B3GALT1: variants seen among roughly 807,000 people sequenced by gnomAD.
B3GALT1 encodes UDP-Gal:betaGlcNAc beta 1,3-galactosyltransferase, polypeptide 1.
A neutral mutation model predicts 23.2 loss-of-function variants in B3GALT1; 10 were observed. That is an observed-to-expected ratio of 0.43 (90% CI 0.27 to 0.73). The LOEUF (loss-of-function observed/expected upper bound fraction) is 0.73, where lower values mean the gene tolerates loss of function less well. B3GALT1 is among the 30% of genes least tolerant of loss of function. The pLI is 0.21. For missense variants in B3GALT1, 299 were observed against 405.4 expected (o/e 0.74, Z 2.25); for synonymous variants, 156 against 141.5 (o/e 1.10, Z -0.73).
At chr2:167,530,603 TA>T (rs1683310223) in intron 2 of B3GALT1, among the ~76,000 whole-genome samples, 1 of 152,182 alleles carries the variant, frequency 6.6e-6, no homozygotes, top group African/African-American at 2.4e-5. Flanking sequence ...AAACAGCTAT[TA>T]AAAAATTGAG....
At chr2:167,586,845 A>G (rs1379249366) in intron 2 of B3GALT1, among the ~76,000 whole-genome samples, 4 of 152,230 alleles carry the variant, frequency 2.6e-5, no homozygotes, top group African/African-American at 9.6e-5. Flanking sequence ...TGCCTATTCA[A>G]AAGAAACTAA....
At chr2:167,575,424 C>A (rs1057489952) in intron 2 of B3GALT1, among the ~76,000 whole-genome samples, 2 of 151,716 alleles carry the variant, frequency 1.3e-5, no homozygotes, top group Admixed American at 1.3e-4. Context: ...ACAGAATTTC[C>A]TTCTATGTCT....
intron 1 of B3GALT1, among the ~76,000 whole-genome samples, chr2:167,358,796 A>G (rs1025394553): frequency 6.6e-6 from 1 of 152,092 alleles, no homozygotes; most frequent in Non-Finnish European, 1.5e-5. Context: ...TATTAACAAT[A>G]TAAGGCAAAA....
chr2:167,772,637 C>T (rs1393448755), intron 3 of B3GALT1, among the ~76,000 whole-genome samples: 2 of 152,152 alleles, frequency 1.3e-5, no homozygotes, highest in Non-Finnish European at 2.9e-5. Context: ...TTTAGATATG[C>T]AGCACAAGGC....
In B3GALT1 at chr2:167,873,926, G is replaced by A. The variant is rs1690394962; in HGVS notation, c.*3906G>A. ...ACTTTCTTCACCTTCCTCTTGAAAT[G>A]TAAACTGTTGACTGAAAGCGCAATG... On this transcript the variant is annotated 3_prime_UTR_variant, in exon 5 of 5. Coordinates refer to ENST00000392690, the MANE Select transcript of B3GALT1 (RefSeq NM_020981.4). 1 of 152,200 alleles carries A rather than the reference G, an allele frequency of 6.6e-6. No homozygotes were observed. Among genetic ancestry groups the A allele is most frequent in the South Asian group, 2.1e-4 (1 of 4,836 alleles). The allele number at this position is 152,200 out of a possible 1,614,324, so 9.4% of individuals were successfully genotyped here.
chr2:167,566,123 T>C (rs1574142710), intron 2 of B3GALT1, among the ~76,000 whole-genome samples: 1 of 152,104 alleles, frequency 6.6e-6, no homozygotes, highest in African/African-American at 2.4e-5. Flanking sequence ...AATGATAGAC[T>C]GGATTAAGAA....
At chr2:167,505,065 TCAG>T (rs1264779659) in intron 2 of B3GALT1, among the ~76,000 whole-genome samples, 4 of 152,176 alleles carry the variant, frequency 2.6e-5, no homozygotes. Context: ...CAAGGGCAGA[TCAG>T]CATGTATGAT....
At chr2:167,474,012 T>G (rs1327708434) in intron 1 of B3GALT1, among the ~76,000 whole-genome samples, 3 of 152,162 alleles carry the variant, frequency 2.0e-5, no homozygotes, top group Non-Finnish European at 4.4e-5. Flanking sequence ...GAAATCAGAA[T>G]GGCAGAGGCA....
At chr2:167,754,058 A>G (rs1354126206) in intron 3 of B3GALT1, among the ~76,000 whole-genome samples, 1 of 152,224 alleles carries the variant, frequency 6.6e-6, no homozygotes, top group Non-Finnish European at 1.5e-5. Context: ...CCGTATTGGC[A>G]ATGTAAATAT....
intron 2 of B3GALT1, among the ~76,000 whole-genome samples, chr2:167,610,285 A>T (rs1176073236): frequency 6.6e-6 from 1 of 152,096 alleles, no homozygotes; most frequent in East Asian, 1.9e-4. Context: ...AGCACAGCTA[A>T]TGAGAAATTT....
intron 2 of B3GALT1, chr2:167,558,228 T>G (rs998714315): frequency 3.9e-5 from 6 of 152,142 alleles, no homozygotes; most frequent in African/African-American, 1.4e-4. Context: ...AACAGATCAT[T>G]TAGATAAAAT....
intron 3 of B3GALT1, among the ~76,000 whole-genome samples, chr2:167,811,445 G>T (rs1003937558): frequency 5.9e-5 from 9 of 152,178 alleles, no homozygotes; most frequent in African/African-American, 2.2e-4. Flanking sequence ...AGTAACAGGT[G>T]TGCATTTTCT....
chr2:167,822,986 T>C (rs1445605170), intron 4 of B3GALT1, among the ~76,000 whole-genome samples: 1 of 152,196 alleles, frequency 6.6e-6, no homozygotes, highest in Admixed American at 6.5e-5. Flanking sequence ...CATGGCCACA[T>C]AATAAATTTC....
At chr2:167,571,174 A>G (rs1031833003) in intron 2 of B3GALT1, among the ~76,000 whole-genome samples, 9 of 151,886 alleles carry the variant, frequency 5.9e-5, no homozygotes, top group African/African-American at 2.2e-4. Flanking sequence ...CACAGATGGG[A>G]ATTTCAACAG....
At chr2:167,394,470 A>G (rs886350156) in intron 1 of B3GALT1, among the ~76,000 whole-genome samples, 7 of 152,130 alleles carry the variant, frequency 4.6e-5, no homozygotes, top group Non-Finnish European at 1.0e-4. Flanking sequence ...ATATATTTAT[A>G]TATTGTTCCA....
chr2:167,812,894 A>G (rs1211833737), intron 3 of B3GALT1, among the ~76,000 whole-genome samples: 2 of 151,892 alleles, frequency 1.3e-5, no homozygotes, highest in Non-Finnish European at 2.9e-5. Flanking sequence ...GCTCTTAATT[A>G]TCAATACTCT....
chr2:167,434,339 G>A (rs1049485913), intron 1 of B3GALT1, among the ~76,000 whole-genome samples: 3 of 151,970 alleles, frequency 2.0e-5, no homozygotes, highest in African/African-American at 7.3e-5. Flanking sequence ...ACAAAAGTAG[G>A]AAGACTTCCA....
chr2:167,659,813 A>G (rs1293868807), intron 3 of B3GALT1, among the ~76,000 whole-genome samples: 1 of 152,038 alleles, frequency 6.6e-6, no homozygotes, highest in African/African-American at 2.4e-5. Context: ...CATTTCAAAG[A>G]GAGAGAATCT....
chr2:167,391,250 C>T (rs1020754806), intron 1 of B3GALT1, among the ~76,000 whole-genome samples: 1 of 152,148 alleles, frequency 6.6e-6, no homozygotes, highest in Admixed American at 6.5e-5. Flanking sequence ...GATAACAGTA[C>T]ATTTATGTGG....
Sources: allele counts gnomAD v4.1 joint callset (sites outside exome capture counted in the v4.1 genomes callset), GRCh38; gene constraint gnomAD v4.1.1; transcripts MANE v1.5; gene names NCBI Gene and HGNC (gene_info 2026-07-23, HGNC 2026-07-21).